Variants in GPR176 observed in about 807,000 individuals in gnomAD.
GPR176 encodes the protein G protein-coupled receptor 176.
GPR176 carries 26 observed loss-of-function variants against 35.4 expected under a neutral mutation model. The ratio of observed to expected loss-of-function variants is 0.74; its 90% CI spans 0.54 to 1.02. The LOEUF is 1.02. GPR176 is among the 50% of genes least tolerant of loss of function. The pLI is 0.00. For missense variants in GPR176, 597 were observed against 665.3 expected (o/e 0.90, Z 1.13); for synonymous variants, 278 against 271.3 (o/e 1.02, Z -0.24).
chr15:39,900,859 A>G (rs1169672340), intron 1 of GPR176, among the ~76,000 whole-genome samples: 1 of 152,228 alleles, frequency 6.6e-6, no homozygotes, highest in Non-Finnish European at 1.5e-5. Context: ...AACTGCCAAG[A>G]ACAGAATTAG....
At position 39,829,356 on chromosome 15, in the gene GPR176, C is replaced by T. The variant is rs542144036; in HGVS notation, c.173-22098G>A. ...CAAAGTTCCATGGGGGCAATGTGTGCGCAGGACACAAGGAGCTCACAATGC... is the reference window on the plus strand; with the variant it reads ...CAAAGTTCCATGGGGGCAATGTGTGTGCAGGACACAAGGAGCTCACAATGC... On this transcript the variant is annotated intron_variant, in intron 1 of 2. Coordinates refer to ENST00000561100, the MANE Select transcript of GPR176 (RefSeq NM_007223.3). 1.1e-3 allele frequency: 1,434 copies of T among 1,317,248 alleles called. 1 individual carries two copies. The highest frequency in any genetic ancestry group is 1.3e-3 in the Non-Finnish European group (1,370 of 1,027,646). 81.6% of individuals were successfully genotyped at this position (1,317,248 alleles called of 1,614,324 possible).
chr15:39,856,373 C>T (rs990660124), intron 1 of GPR176, among the ~76,000 whole-genome samples: 3 of 152,154 alleles, frequency 2.0e-5, no homozygotes, highest in Non-Finnish European at 4.4e-5. Context: ...TGCTGCATAA[C>T]AAATTACATC....
chr15:39,863,210 C>T (rs2031682962), intron 1 of GPR176, among the ~76,000 whole-genome samples: 1 of 151,880 alleles, frequency 6.6e-6, no homozygotes, highest in African/African-American at 2.4e-5. Context: ...TCTGGAGTAG[C>T]TGGGACTACA....
chr15:39,867,873 C>G (rs1458600774), intron 1 of GPR176, among the ~76,000 whole-genome samples: 2 of 152,090 alleles, frequency 1.3e-5, no homozygotes, highest in East Asian at 3.9e-4. Flanking sequence ...ACTACAGCAA[C>G]TCTGCTCAAG....
rs141599454 is a variant in GPR176, at chr15:39,837,832, G to A, written c.173-30574C>T. Among the ~76,000 whole-genome samples the A allele has an allele frequency of 5.8e-3, 885 of 151,886 alleles. 3 individuals are homozygous for A. Among genetic ancestry groups the A allele is most frequent in the Non-Finnish European group, 8.3e-3 (565 of 67,952 alleles). On this transcript the variant is annotated intron_variant, in intron 1 of 2. Coordinates refer to ENST00000561100, the MANE Select transcript of GPR176 (RefSeq NM_007223.3). ...CTTTTCATCACCAGAGTACAACATA[G>A]TGCTTGGCTCATGGTAGGTGATTAA...
At chr15:39,918,716 T>C (rs2140884171) in intron 1 of GPR176, among the ~76,000 whole-genome samples, 1 of 152,204 alleles carries the variant, frequency 6.6e-6, no homozygotes, top group Admixed American at 6.5e-5. Flanking sequence ...TATCTACTCC[T>C]GAAAATATCC....
chr15:39,878,909 T>C (rs558059817), intron 1 of GPR176, among the ~76,000 whole-genome samples: 2 of 152,356 alleles, frequency 1.3e-5, no homozygotes, highest in East Asian at 1.9e-4. Flanking sequence ...GAAACCCCTA[T>C]GTATTTAGGC....
Position 39,919,907 on chromosome 15 carries a change from G to A in GPR176, c.120C>T (p.Tyr40=), listed in dbSNP as rs1303077607. ...CCTGCACGGTGGTGGTGAACTGGCG[G>A]TACAGCTGCGCCTCGCCGAACTCCC... ...ALGEFGEAQL[Y]RQFTTTVQVV... The change falls in exon 1 of 3, where the codon TAC becomes TAT. Residue 40 remains tyrosine, a synonymous_variant. Transcript: ENST00000561100. The A allele has an allele frequency of 1.1e-5, 17 of 1,526,578 alleles. No homozygotes were observed. Among genetic ancestry groups the A allele is most frequent in the African/African-American group, 4.3e-5 (3 of 69,960 alleles). 94.6% of individuals were successfully genotyped at this position (1,526,578 alleles called of 1,614,324 possible).
chr15:39,829,392 A>C, intron 1 of GPR176: 1 of 1,201,748 alleles, frequency 8.3e-7, no homozygotes, highest in Non-Finnish European at 1.0e-6. Flanking sequence ...TCTGAGGTCA[A>C]ATCTAGGAAA....
intron 1 of GPR176, among the ~76,000 whole-genome samples, chr15:39,903,281 CTTTG>C (rs2033330093): frequency 6.8e-6 from 1 of 147,636 alleles, no homozygotes; most frequent in Non-Finnish European, 1.5e-5. Flanking sequence ...TTATTTGGAA[CTTTG>C]TTTGGAGAAG....
intron 2 of GPR176, among the ~76,000 whole-genome samples, chr15:39,805,564 G>A (rs900779013): frequency 1.3e-5 from 2 of 151,888 alleles, no homozygotes; most frequent in Admixed American, 6.6e-5. Context: ...CCCCATGAAC[G>A]AGAATGTGGA....
intron 1 of GPR176, among the ~76,000 whole-genome samples, chr15:39,832,420 T>C (rs1272085122): frequency 6.6e-6 from 1 of 152,086 alleles, no homozygotes; most frequent in Non-Finnish European, 1.5e-5. Flanking sequence ...CACAAAATTA[T>C]TATATTACAG....
intron 1 of GPR176, among the ~76,000 whole-genome samples, chr15:39,864,516 G>A (rs899732506): frequency 3.3e-5 from 5 of 152,030 alleles, no homozygotes; most frequent in Admixed American, 6.6e-5. Flanking sequence ...AGACTTAAAC[G>A]TAAGACCTAA....
At chr15:39,851,827 T>G (rs1233890271) in intron 1 of GPR176, among the ~76,000 whole-genome samples, 2 of 152,230 alleles carry the variant, frequency 1.3e-5, no homozygotes, top group Non-Finnish European at 2.9e-5. Flanking sequence ...TCATCTCTTT[T>G]GTCTGAGATA....
intron 1 of GPR176, among the ~76,000 whole-genome samples, chr15:39,816,885 T>C (rs2140802991): frequency 6.6e-6 from 1 of 151,948 alleles, no homozygotes; most frequent in East Asian, 1.9e-4. Flanking sequence ...CAAGACCTCA[T>C]TTCTACCAAA....
At chr15:39,803,570 C>T (rs1899019248) in intron 2 of GPR176, among the ~76,000 whole-genome samples, 1 of 152,116 alleles carries the variant, frequency 6.6e-6, no homozygotes, top group African/African-American at 2.4e-5. Flanking sequence ...CGTGAGCCAC[C>T]GTGCCCAGCC....
chr15:39,853,079 G>T (rs1287896380), intron 1 of GPR176, among the ~76,000 whole-genome samples: 1 of 152,046 alleles, frequency 6.6e-6, no homozygotes, highest in East Asian at 1.9e-4. Flanking sequence ...ATATACAAAA[G>T]AACTGAAATC....
At chr15:39,807,415 A>G (rs1480536350) in intron 1 of GPR176, among the ~76,000 whole-genome samples, 157 bp from the exon 2 acceptor site, 1 of 152,220 alleles carries the variant, frequency 6.6e-6, no homozygotes, top group Non-Finnish European at 1.5e-5. Context: ...CATATATGAT[A>G]CATTACAGTC....
At chr15:39,828,970 C>T (rs955358173) in intron 1 of GPR176, 5 of 662,668 alleles carry the variant, frequency 7.5e-6, no homozygotes, top group African/African-American at 3.6e-5. Context: ...TTAGTGAATA[C>T]TTATTGTCTA....
Sources: gnomAD v4.1 joint callset for allele counts (sites outside exome capture counted in the v4.1 genomes callset) on GRCh38, gnomAD v4.1.1 for gene constraint, MANE v1.5 for transcripts, NCBI Gene and HGNC (gene_info 2026-07-23, HGNC 2026-07-21) for gene names.